The following NBPF12 variants were observed in gnomAD, a reference collection of about 807,000 sequenced individuals.
NBPF12 encodes the protein NBPF member 12, also known as NBPF family member NBPF12.
A neutral mutation model predicts 146.4 loss-of-function variants in NBPF12; 115 were observed. The ratio of observed to expected loss-of-function variants is 0.79; its 90% CI spans 0.68 to 0.92. NBPF12 has a LOEUF of 0.92. NBPF12 is among the 40% of genes least tolerant of loss of function. The pLI is 0.00. For synonymous variants in NBPF12, 385 were observed against 508.9 expected (o/e 0.76, Z 3.28); for missense variants, 1,205 against 1,326.8 (o/e 0.91, Z 1.43).
exon 6 of NBPF12, chr1:146,963,124 A>T (rs1655969614): frequency 1.9e-6 from 3 of 1,608,864 alleles, no homozygotes; most frequent in Non-Finnish European, 2.5e-6. Context: ...CACTCTCAGG[A>T]ACGAGAGCTG....
upstream of NBPF12, among the ~76,000 whole-genome samples, chr1:146,948,582 A>T (rs1193443734): frequency 1.3e-5 from 2 of 151,768 alleles, no homozygotes; most frequent in Non-Finnish European, 2.9e-5. Flanking sequence ...CCCTAATCTC[A>T]AGTACCCAGA....
chr1:146,987,675 TTC>T (rs202172679), intron 25 of NBPF12, among the ~76,000 whole-genome samples: 6 of 150,382 alleles, frequency 4.0e-5, no homozygotes, highest in South Asian at 4.2e-4. Context: ...TGAGCTCGTT[TTC>T]TCTCTCTCTC....
chr1:146,967,625 G>A (rs1656290665), intron 9 of NBPF12, among the ~76,000 whole-genome samples: 1 of 150,780 alleles, frequency 6.6e-6, no homozygotes, highest in Admixed American at 6.6e-5. Flanking sequence ...ACCCGAGAAT[G>A]TGTGGAGGTA....
At chr1:146,978,195 C>G (rs1657168415) in intron 18 of NBPF12, among the ~76,000 whole-genome samples, 1 of 149,938 alleles carries the variant, frequency 6.7e-6, no homozygotes, top group South Asian at 2.1e-4. Context: ...TAAAGCAAGG[C>G]TGGACCCTGG....
chr1:146,987,757 G>GTGTT (rs1553888844), intron 25 of NBPF12, among the ~76,000 whole-genome samples, 197 bp from the exon 29 acceptor site: 15 of 151,396 alleles, frequency 9.9e-5, no homozygotes, highest in African/African-American at 3.4e-4. Context: ...GTGTGTGTGT[G>GTGTT]TGTCTGTCTT....
exon 34 of NBPF12, chr1:146,994,697 C>T (rs1212973890): frequency 8.1e-6 from 12 of 1,482,196 alleles, no homozygotes; most frequent in Non-Finnish European, 1.1e-5. Context: ...GTGGGCATGG[C>T]TCTATTCCTA....
intron 1 of NBPF12, among the ~76,000 whole-genome samples, chr1:146,950,955 G>A (rs1655300264): frequency 6.6e-6 from 1 of 152,098 alleles, no homozygotes; most frequent in Non-Finnish European, 1.5e-5. Context: ...AGAATAGGTA[G>A]TTGTTTAGTT....
chr1:146,994,073 C>T (rs1337155360), intron 33 of NBPF12, among the ~76,000 whole-genome samples: 3 of 106,146 alleles, frequency 2.8e-5, no homozygotes, highest in Non-Finnish European at 3.6e-5. Context: ...GTCACCTGGC[C>T]AATTCACTAG....
At chr1:146,964,241 G>A in intron 6 of NBPF12, 116 bp from the exon 10 acceptor site, 1 of 1,490,206 alleles carries the variant, frequency 6.7e-7, no homozygotes, top group Non-Finnish European at 9.3e-7. Flanking sequence ...AAACATGAGA[G>A]TTTTCAGTAC....
chr1:146,974,287 A>T (rs1656851717), intron 14 of NBPF12, among the ~76,000 whole-genome samples: 2 of 143,000 alleles, frequency 1.4e-5, no homozygotes. Flanking sequence ...AAAGATTTTT[A>T]AAATCTTTCA....
chr1:146,972,820 A>C, exon 14 of NBPF12: 2 of 1,377,282 alleles, frequency 1.5e-6, no homozygotes, highest in Non-Finnish European at 2.1e-6. Context: ...TCCAGCGAGA[A>C]GGCAGAGATG....
chr1:146,939,350 A>G (rs1654689329), intron 1 of NBPF12, among the ~76,000 whole-genome samples: 1 of 152,010 alleles, frequency 6.6e-6, no homozygotes, highest in Non-Finnish European at 1.5e-5. Flanking sequence ...AACTTGGGCA[A>G]GAGCGCTCGC....
upstream of NBPF12, among the ~76,000 whole-genome samples, chr1:146,948,728 C>A (rs1392787128): frequency 1.3e-5 from 2 of 151,740 alleles, no homozygotes; most frequent in South Asian, 4.2e-4. Flanking sequence ...GCCCGACACC[C>A]GTAAAGGGTC....
At chr1:146,956,179 T>G (rs1253001888) in intron 2 of NBPF12, among the ~76,000 whole-genome samples, 2 of 151,746 alleles carry the variant, frequency 1.3e-5, no homozygotes, top group South Asian at 4.2e-4. Flanking sequence ...TATAGCCACA[T>G]GAAGGAATAC....
chr1:146,971,155 G>A (rs1415747020), intron 12 of NBPF12, 28 bp from the exon 16 acceptor site: 1 of 1,610,436 alleles, frequency 6.2e-7, no homozygotes, highest in African/African-American at 1.4e-5. Flanking sequence ...TTAATCTTCT[G>A]TCATCTCTGT....
exon 34 of NBPF12, chr1:146,994,362 G>T (rs1553890028): frequency 3.1e-6 from 5 of 1,612,178 alleles, no homozygotes; most frequent in South Asian, 1.1e-5. Flanking sequence ...AAGTGGAAGA[G>T]CCTGAAGTCT....
chr1:146,964,896 G>A, exon 8 of NBPF12: 5 of 1,590,908 alleles, frequency 3.1e-6, no homozygotes, highest in South Asian at 2.2e-5. Flanking sequence ...TCATCAGGGA[G>A]GTGCAGAAGG....
At chr1:146,972,103 AG>A (rs1386777966) in intron 13 of NBPF12, among the ~76,000 whole-genome samples, 5 of 148,270 alleles carry the variant, frequency 3.4e-5, no homozygotes, top group Non-Finnish European at 7.4e-5. Context: ...AAAAAAAAAA[AG>A]TAAGTCTCTG....
At chr1:146,980,495 T>G (rs1357386398) in intron 19 of NBPF12, among the ~76,000 whole-genome samples, 1 of 151,780 alleles carries the variant, frequency 6.6e-6, no homozygotes, top group African/African-American at 2.4e-5. Flanking sequence ...TAGGAGCTCT[T>G]TTTGGGCAGG....
Sources: gnomAD v4.1 joint callset for allele counts (sites outside exome capture counted in the v4.1 genomes callset) on GRCh38, gnomAD v4.1.1 for gene constraint, MANE v1.5 for transcripts, NCBI Gene and HGNC (gene_info 2026-07-23, HGNC 2026-07-21) for gene names.